Variants in DRC11 observed in about 807,000 individuals in gnomAD.
DRC11 encodes dynein regulatory complex subunit 11.
the DRC11 span, chr2:236,380,557 T>C: frequency 5.2e-6 from 8 of 1,549,398 alleles, no homozygotes; most frequent in Admixed American, 2.0e-5. This position sits in a 1 kb window ranked among gnomAD's most constrained non-coding sequence, Gnocchi z 4.9. Context: ...ACACAACGAG[T>C]CCATTCCTCA....
the DRC11 span, among the ~76,000 whole-genome samples, chr2:236,416,745 A>ATATATATATT: frequency 3.4e-5 from 2 of 59,628 alleles, no homozygotes; most frequent in East Asian, 4.0e-4. Context: ...ATATATATAT[A>ATATATATATT]TATATATATA....
chr2:236,461,020 T>G, the DRC11 span, among the ~76,000 whole-genome samples: 1 of 152,088 alleles, frequency 6.6e-6, no homozygotes, highest in East Asian at 1.9e-4. This position sits in a 1 kb window ranked among gnomAD's most constrained non-coding sequence, Gnocchi z 4.0. Context: ...CCTCTCAAAG[T>G]ATAGGGATTA....
At chr2:236,387,375 G>T in the DRC11 span, among the ~76,000 whole-genome samples, 1 of 152,192 alleles carries the variant, frequency 6.6e-6, no homozygotes, top group South Asian at 2.1e-4. Context: ...ATTTAGGATA[G>T]TTAGCTCTTC....
At chr2:236,310,578 G>A in the DRC11 span, among the ~76,000 whole-genome samples, 2 of 152,226 alleles carry the variant, frequency 1.3e-5, no homozygotes, top group Non-Finnish European at 2.9e-5. This position sits in a 1 kb window ranked among gnomAD's most constrained non-coding sequence, Gnocchi z 5.5. Context: ...ACCAACTTGG[G>A]GTTGAGTGTT....
the DRC11 span, among the ~76,000 whole-genome samples, chr2:236,477,730 T>G: frequency 6.6e-6 from 1 of 152,184 alleles, no homozygotes; most frequent in Non-Finnish European, 1.5e-5. Flanking sequence ...ATTGGTCTGT[T>G]CAGGTTTTCT....
At chr2:236,425,068 G>A in the DRC11 span, among the ~76,000 whole-genome samples, 2 of 151,974 alleles carry the variant, frequency 1.3e-5, no homozygotes, top group Non-Finnish European at 2.9e-5. Context: ...ATCTACTGAA[G>A]AACACTGAGG....
chr2:236,417,445 T>C, the DRC11 span, among the ~76,000 whole-genome samples: 1 of 152,088 alleles, frequency 6.6e-6, no homozygotes, highest in Admixed American at 6.6e-5. Flanking sequence ...AGCACGACTG[T>C]GGCTGTCTGA....
chr2:236,446,155 T>A, the DRC11 span, among the ~76,000 whole-genome samples: 16 of 152,302 alleles, frequency 1.1e-4, no homozygotes, highest in Middle Eastern at 3.4e-3. The surrounding 1 kb of genome is among the most constrained non-coding windows in gnomAD (Gnocchi z 6.2). Context: ...CAGGAACTCA[T>A]CCTGACACAT....
chr2:236,498,202 T>C, the DRC11 span, among the ~76,000 whole-genome samples: 2 of 151,326 alleles, frequency 1.3e-5, no homozygotes, highest in South Asian at 4.2e-4. Flanking sequence ...GCGTGGTGGC[T>C]CTCGCCTGTA....
the DRC11 span, chr2:236,409,010 G>A: frequency 1.5e-6 from 1 of 682,324 alleles, no homozygotes; most frequent in Non-Finnish European, 2.7e-6. Flanking sequence ...CACGATGCGT[G>A]CTGTGCACTT....
At chr2:236,383,736 C>T in the DRC11 span, among the ~76,000 whole-genome samples, 1 of 150,740 alleles carries the variant, frequency 6.6e-6, no homozygotes, top group African/African-American at 2.4e-5. Context: ...CATATGTATA[C>T]ATGTGCCATG....
chr2:236,452,720 A>G, the DRC11 span, among the ~76,000 whole-genome samples: 1 of 152,186 alleles, frequency 6.6e-6, no homozygotes, highest in Non-Finnish European at 1.5e-5. The surrounding 1 kb of genome is among the most constrained non-coding windows in gnomAD (Gnocchi z 4.7). Context: ...TGATGTTTCT[A>G]CTTATTACTG....
the DRC11 span, among the ~76,000 whole-genome samples, chr2:236,437,427 C>A: frequency 1.3e-5 from 2 of 151,412 alleles, no homozygotes; most frequent in African/African-American, 4.9e-5. Context: ...TTTATAGCAG[C>A]ATGATTTATA....
chr2:236,416,728 T>C, the DRC11 span, among the ~76,000 whole-genome samples: 1 of 29,750 alleles, frequency 3.4e-5, no homozygotes, highest in Non-Finnish European at 6.8e-5. Context: ...TATTTATATA[T>C]ATATATATAT....
At chr2:236,494,085 T>C in the DRC11 span, among the ~76,000 whole-genome samples, 2 of 152,152 alleles carry the variant, frequency 1.3e-5, no homozygotes, top group Non-Finnish European at 2.9e-5. The surrounding 1 kb of genome is among the most constrained non-coding windows in gnomAD (Gnocchi z 4.2). Context: ...AAGAAAATCA[T>C]AACCATGCCC....
At chr2:236,317,299 G>GA in the DRC11 span, among the ~76,000 whole-genome samples, 127 of 139,740 alleles carry the variant, frequency 9.1e-4, no homozygotes, top group Middle Eastern at 3.6e-3. This position sits in a 1 kb window ranked among gnomAD's most constrained non-coding sequence, Gnocchi z 5.4. Flanking sequence ...CATATCGGGG[G>GA]AAAAAAAAAA....
chr2:236,441,163 G>A, the DRC11 span: 3 of 1,337,014 alleles, frequency 2.2e-6, no homozygotes, highest in Non-Finnish European at 3.2e-6. Flanking sequence ...TGGAAATGAA[G>A]TCCTCTCTTG....
chr2:236,353,462 T>C, the DRC11 span, among the ~76,000 whole-genome samples: 2 of 152,144 alleles, frequency 1.3e-5, no homozygotes, highest in Non-Finnish European at 2.9e-5. The surrounding 1 kb of genome is among the most constrained non-coding windows in gnomAD (Gnocchi z 5.0). Flanking sequence ...CAGGGGATAA[T>C]GGCTCAATTA....
the DRC11 span, among the ~76,000 whole-genome samples, chr2:236,442,266 T>C: frequency 6.6e-6 from 1 of 152,248 alleles, no homozygotes; most frequent in East Asian, 1.9e-4. Context: ...GTCACAGCTT[T>C]GCATCTTTTC....
Sources: gnomAD v4.1 joint callset for allele counts (sites outside exome capture counted in the v4.1 genomes callset) on GRCh38, gnomAD v4.1.1 for gene constraint, Gnocchi (gnomAD v3.1) non-coding constraint, MANE v1.5 for transcripts, NCBI Gene and HGNC (gene_info 2026-07-23, HGNC 2026-07-21) for gene names.